Variants in EHBP1 observed in about 807,000 individuals in gnomAD.
EHBP1 encodes EH domain binding protein 1.
Under a neutral mutation model 144.0 loss-of-function variants are expected in EHBP1, and 55 were observed. That is an observed-to-expected ratio of 0.38 (90% CI 0.31 to 0.48). EHBP1 has a LOEUF of 0.48. Ranked by LOEUF, EHBP1 falls within the 20% of genes least tolerant of loss-of-function variation. EHBP1 has a pLI of 0.98. For synonymous variants in EHBP1, 469 were observed against 472.7 expected (o/e 0.99, Z 0.10); for missense variants, 1,200 against 1,364.2 (o/e 0.88, Z 1.90).
chr2:62,975,483 A>G (rs760191784), intron 14 of EHBP1, among the ~76,000 whole-genome samples: 9 of 152,222 alleles, frequency 5.9e-5, no homozygotes, highest in Non-Finnish European at 8.8e-5. Context: ...CTGGTTCCCC[A>G]TCGGACATTT....
At chr2:62,890,083 C>T (rs2052332617) in intron 10 of EHBP1, among the ~76,000 whole-genome samples, 1 of 151,550 alleles carries the variant, frequency 6.6e-6, no homozygotes, top group South Asian at 2.1e-4. Context: ...GCCTCAGCCT[C>T]CCGAGTAGCT....
At chr2:62,890,887 A>G (rs2052404111) in intron 10 of EHBP1, among the ~76,000 whole-genome samples, 1 of 152,242 alleles carries the variant, frequency 6.6e-6, no homozygotes, top group South Asian at 2.1e-4. Context: ...AACAGTAATT[A>G]TAAGAAGCCT....
intron 4 of EHBP1, among the ~76,000 whole-genome samples, chr2:62,769,048 C>G (rs2041418183): frequency 6.6e-6 from 1 of 152,150 alleles, no homozygotes; most frequent in African/African-American, 2.4e-5. Flanking sequence ...CCACAGCCAA[C>G]ATCATATCGA....
intron 1 of EHBP1, among the ~76,000 whole-genome samples, chr2:62,674,254 AT>A (rs1215825733): frequency 6.6e-6 from 1 of 152,156 alleles, no homozygotes; most frequent in Non-Finnish European, 1.5e-5. Flanking sequence ...TAATGGTAGT[AT>A]TTCATATTCA....
At chr2:62,754,393 T>G (rs2040060586) in intron 3 of EHBP1, among the ~76,000 whole-genome samples, 1 of 152,196 alleles carries the variant, frequency 6.6e-6, no homozygotes, top group Non-Finnish European at 1.5e-5. Context: ...GAGGTTTCAG[T>G]CTGCCTCTAC....
rs1277912027 is a variant in EHBP1 at position 62,706,003 on chromosome 2, G to A, written c.-345G>A. On this transcript the variant is annotated 5_prime_UTR_variant, in exon 1 of 23. Coordinates refer to ENST00000431489, the MANE Select transcript of EHBP1 (RefSeq NM_001142616.3). ...GCTGCTGCGGCGGCGACGGAGGAGCGGCTATGAGAAGGGAACGGGGCCAGA... is the reference window on the plus strand; with the variant it reads ...GCTGCTGCGGCGGCGACGGAGGAGCAGCTATGAGAAGGGAACGGGGCCAGA... 2 of 165,684 alleles carry A rather than the reference G, an allele frequency of 1.2e-5. No individual in the cohort carries two copies. The highest frequency in any genetic ancestry group is 2.6e-5 in the Non-Finnish European group (2 of 77,396). The allele number at this position is 165,684 out of a possible 1,614,324, so 10.3% of individuals were successfully genotyped here.
chr2:62,891,039 A>G (rs867561716), intron 10 of EHBP1, among the ~76,000 whole-genome samples: 15 of 151,742 alleles, frequency 9.9e-5, no homozygotes, highest in Non-Finnish European at 2.1e-4. Flanking sequence ...TTTGCTGGGC[A>G]TGGAGGCACG....
At chr2:62,908,202 T>C (rs115669100) in intron 10 of EHBP1, among the ~76,000 whole-genome samples, 4,842 of 152,328 alleles carry the variant, frequency 0.032, 142 homozygotes, top group Non-Finnish European at 0.048. Context: ...AAAGAGTTTG[T>C]CCATTTCATC....
intron 19 of EHBP1, among the ~76,000 whole-genome samples, chr2:63,021,057 G>A (rs1394532050): frequency 1.5e-5 from 2 of 133,700 alleles, no homozygotes; most frequent in Non-Finnish European, 3.0e-5. Flanking sequence ...TCCTGGACTC[G>A]TGATCCTCCC....
intron 14 of EHBP1, among the ~76,000 whole-genome samples, chr2:62,965,909 G>A (rs1217621003): frequency 2.0e-5 from 3 of 152,136 alleles, no homozygotes; most frequent in Non-Finnish European, 4.4e-5. Context: ...CCTCCAAAAT[G>A]AGGGAAAATA....
chr2:62,780,765 A>G (rs1040874398), intron 5 of EHBP1, among the ~76,000 whole-genome samples: 4 of 152,208 alleles, frequency 2.6e-5, no homozygotes, highest in African/African-American at 9.6e-5. Flanking sequence ...TATTTCACAT[A>G]GCAGTTTAAT....
rs565841138 is a variant in EHBP1 at position 62,726,313 on chromosome 2, G to A, written c.104+19018G>A. Among the ~76,000 whole-genome samples the A allele has an allele frequency of 7.2e-5, 11 of 152,336 alleles. No individual in the cohort carries two copies. The South Asian group carries it at 2.3e-3, about 32-fold the overall frequency. On this transcript the variant is annotated intron_variant, in intron 2 of 22. Transcript: ENST00000431489. ...AGAGGTCAGTGGTGAGAGTGGGTGG[G>A]TTTCTCCTTGCCAGTTCAACTCACC...
intron 2 of EHBP1, among the ~76,000 whole-genome samples, chr2:62,714,746 G>C (rs1443145019): frequency 6.6e-6 from 1 of 152,190 alleles, no homozygotes; most frequent in Non-Finnish European, 1.5e-5. Flanking sequence ...TAGGTGGGAA[G>C]AAGACTGTAA....
chr2:62,748,768 A>G (rs574007400), intron 3 of EHBP1, among the ~76,000 whole-genome samples: 148 of 152,168 alleles, frequency 9.7e-4, no homozygotes, highest in Non-Finnish European at 1.8e-3. Flanking sequence ...ACCTGTATAA[A>G]GAAAACTTTA....
chr2:63,005,629 A>G (rs931333969), intron 19 of EHBP1, among the ~76,000 whole-genome samples: 3 of 151,972 alleles, frequency 2.0e-5, no homozygotes, highest in Admixed American at 6.6e-5. Context: ...AACAAAGCCT[A>G]TTTTCAGTAA....
At chr2:62,741,599 GCAGTCCCTT>G (rs1344697820) in intron 2 of EHBP1, among the ~76,000 whole-genome samples, 2 of 152,040 alleles carry the variant, frequency 1.3e-5, no homozygotes, top group African/African-American at 4.8e-5. Context: ...AGATTTTAGT[GCAGTCCCTT>G]CATTTGATAA....
intron 10 of EHBP1, among the ~76,000 whole-genome samples, chr2:62,876,907 T>G (rs1017786273): frequency 6.6e-6 from 1 of 152,040 alleles, no homozygotes; most frequent in Non-Finnish European, 1.5e-5. Flanking sequence ...ACAAACCATA[T>G]CAACCATGGA....
chr2:62,987,198 C>G (rs533959266), intron 15 of EHBP1, among the ~76,000 whole-genome samples: 1 of 152,226 alleles, frequency 6.6e-6, no homozygotes, highest in East Asian at 1.9e-4. Flanking sequence ...GAAAAAATAT[C>G]TACTAAAAAT....
chr2:62,683,236 C>T (rs1394916231), intron 1 of EHBP1, among the ~76,000 whole-genome samples: 1 of 152,156 alleles, frequency 6.6e-6, no homozygotes, highest in Non-Finnish European at 1.5e-5. Flanking sequence ...TCCAGGTTTA[C>T]ATTCTCCCAA....
Sources: allele counts gnomAD v4.1 joint callset (sites outside exome capture counted in the v4.1 genomes callset), GRCh38; gene constraint gnomAD v4.1.1; transcripts MANE v1.5; gene names NCBI Gene and HGNC (gene_info 2026-07-23, HGNC 2026-07-21).